The following LRP1B variants were observed in gnomAD, a reference collection of about 807,000 sequenced individuals.
The protein encoded by LRP1B is low-density lipoprotein receptor-related protein 1B.
In LRP1B, 217 loss-of-function variants were observed where a neutral mutation model predicts 556.6. The ratio of observed to expected loss-of-function variants is 0.39; its 90% confidence interval spans 0.35 to 0.44. The LOEUF (loss-of-function observed/expected upper bound fraction) is 0.44, where lower values mean the gene tolerates loss of function less well. Ranked by LOEUF, LRP1B falls within the 20% of genes least tolerant of loss-of-function variation. The pLI is 1.00. For synonymous variants in LRP1B, 2,047 were observed against 1,865.8 expected (o/e 1.10, Z -2.50); for missense variants, 5,053 against 5,620.8 (o/e 0.90, Z 3.23).
chr2:141,668,965 G>C (rs983848014), intron 2 of LRP1B, among the ~76,000 whole-genome samples: 6 of 152,106 alleles, frequency 3.9e-5, no homozygotes, highest in African/African-American at 1.4e-4. Context: ...CAATACCCCT[G>C]TGGCACGTCA....
chr2:140,321,675 TAGA>T (rs1680141441), intron 82 of LRP1B, among the ~76,000 whole-genome samples: 1 of 131,806 alleles, frequency 7.6e-6, no homozygotes, highest in African/African-American at 2.7e-5. Context: ...TTTTATCTAA[TAGA>T]AGAGTTATAA....
In LRP1B at chr2:141,301,216, A is replaced by T. The variant is rs559488315; in HGVS notation, c.344-46575T>A. Among the ~76,000 whole-genome samples the T allele has an allele frequency of 9.9e-5, 15 of 152,282 alleles. No homozygotes were observed. In the South Asian group the frequency reaches 3.1e-3, roughly 32 times the overall value. On this transcript the variant is annotated intron_variant, in intron 3 of 90. Transcript: ENST00000389484. ...ATTTATTTGACTTCCCAGAAATTCTAACATTACTCCATGTGTGTGAGAGAT... is the reference window on the plus strand; with the variant it reads ...ATTTATTTGACTTCCCAGAAATTCTTACATTACTCCATGTGTGTGAGAGAT...
intron 32 of LRP1B, among the ~76,000 whole-genome samples, chr2:140,804,825 G>A (rs1271895062): frequency 2.6e-5 from 4 of 151,884 alleles, no homozygotes; most frequent in African/African-American, 9.7e-5. Flanking sequence ...AACTGAACAT[G>A]ACATTCTCTG....
chr2:140,582,637 C>G (rs1182217950), intron 43 of LRP1B, among the ~76,000 whole-genome samples: 1 of 152,148 alleles, frequency 6.6e-6, no homozygotes, highest in Admixed American at 6.5e-5. Flanking sequence ...TTCCTTCTGT[C>G]ATGCGAGGAT....
intron 67 of LRP1B, among the ~76,000 whole-genome samples, chr2:140,381,097 C>A (rs951600708): frequency 3.3e-5 from 5 of 152,092 alleles, no homozygotes; most frequent in Admixed American, 1.3e-4. Flanking sequence ...AACCATCATT[C>A]ATATACCTCA....
chr2:141,265,282 C>T (rs921702729), intron 3 of LRP1B, among the ~76,000 whole-genome samples: 1 of 152,130 alleles, frequency 6.6e-6, no homozygotes, highest in African/African-American at 2.4e-5. Flanking sequence ...CTCTACAGTT[C>T]AGGCCGCCCA....
At chr2:140,672,498 A>AG (rs1276764438) in intron 41 of LRP1B, among the ~76,000 whole-genome samples, 2 of 151,048 alleles carry the variant, frequency 1.3e-5, no homozygotes, top group Non-Finnish European at 3.0e-5. Context: ...AAAAAAAAAA[A>AG]AAAAAAAAAT....
At chr2:140,965,927 T>C (rs1696206703) in intron 18 of LRP1B, among the ~76,000 whole-genome samples, 1 of 152,030 alleles carries the variant, frequency 6.6e-6, no homozygotes, top group African/African-American at 2.4e-5. Context: ...GGTGTATATG[T>C]GCCACATTCT....
intron 66 of LRP1B, among the ~76,000 whole-genome samples, chr2:140,415,480 A>G (rs1184650668): frequency 1.3e-5 from 2 of 152,124 alleles, no homozygotes; most frequent in African/African-American, 4.8e-5. Flanking sequence ...TCCTACCAAT[A>G]TGGGATGTCA....
At position 140,323,880 on chromosome 2, in the gene LRP1B, A is replaced by C; in HGVS notation, c.12514+13T>G. 1 of 1,326,048 alleles carries C rather than the reference A, an allele frequency of 7.5e-7. No homozygotes were observed. Among genetic ancestry groups the C allele is most frequent in the Non-Finnish European group, 1.1e-6 (1 of 926,356 alleles). 82.1% of individuals were successfully genotyped at this position (1,326,048 alleles called of 1,614,324 possible). ...TTACCAATATAGACAACTTCATAAT[A>C]TATTATACTTACAATCTAGTTGTTT... On this transcript the variant is annotated intron_variant, in intron 81 of 90. Coordinates refer to ENST00000389484, the MANE Select transcript of LRP1B (RefSeq NM_018557.3).
chr2:141,229,432 CTG>C lies in LRP1B; in HGVS notation c.599_600del (p.Thr200ArgfsTer2). 6.4e-7 allele frequency: 1 copy of C among 1,557,452 alleles called. No individual in the cohort carries two copies. The highest frequency in any genetic ancestry group is 8.8e-7 in the Non-Finnish European group (1 of 1,138,274). Reference protein sequence around the residue: ...NRSCKAKIEPTDRPPILLIAN... With the variant: ...NRSCKAKIEPXDRPPILLIAN... ...GCAATTAATAGTATAGGTGGTCTAT[CTG>C]TAGGTTCTGGAATAAAATAGAAAAA... On this transcript the variant is annotated frameshift_variant, in exon 6 of 91. Transcript: ENST00000389484. LOFTEE classifies it high-confidence loss of function.
intron 43 of LRP1B, among the ~76,000 whole-genome samples, chr2:140,585,344 T>C (rs1272580325): frequency 1.3e-5 from 2 of 152,072 alleles, no homozygotes; most frequent in African/African-American, 4.8e-5. Flanking sequence ...AAACAACAGG[T>C]CTTATATCTA....
chr2:141,690,642 CT>C (rs1232798060), intron 2 of LRP1B, among the ~76,000 whole-genome samples: 4 of 150,778 alleles, frequency 2.7e-5, no homozygotes, highest in African/African-American at 9.7e-5. Context: ...CTGCTCTTAT[CT>C]TTGCTAATCC....
intron 32 of LRP1B, among the ~76,000 whole-genome samples, chr2:140,801,659 T>G (rs569783605): frequency 3.9e-5 from 6 of 152,266 alleles, no homozygotes; most frequent in African/African-American, 1.2e-4. Flanking sequence ...TCTTATTGAT[T>G]CTAAGTTTCT....
Position 141,719,072 on chromosome 2 carries a change from C to A in LRP1B, c.205+91207G>T, listed in dbSNP as rs73963544. Among the ~76,000 whole-genome samples, 898 of 152,104 alleles carry A rather than the reference C, an allele frequency of 5.9e-3. 15 individuals carry two copies. Among genetic ancestry groups the A allele is most frequent in the African/African-American group, 0.021 (859 of 41,524 alleles). Reference sequence around the variant, plus strand: ...TGACTTTCCCCCCCACCAAGATTTTCTTGAGTTTTTATGAGCAGTCTTGTC... The same window carrying A: ...TGACTTTCCCCCCCACCAAGATTTTATTGAGTTTTTATGAGCAGTCTTGTC... On this transcript the variant is annotated intron_variant, in intron 2 of 90. Coordinates refer to ENST00000389484, the MANE Select transcript of LRP1B (RefSeq NM_018557.3).
chr2:141,892,358 T>C (rs1699316797), intron 1 of LRP1B, among the ~76,000 whole-genome samples: 1 of 151,942 alleles, frequency 6.6e-6, no homozygotes, highest in Non-Finnish European at 1.5e-5. Flanking sequence ...TGAATAAAAA[T>C]ATACGGATAG....
At chr2:141,073,179 T>G (rs1435274828) in intron 7 of LRP1B, among the ~76,000 whole-genome samples, 4 of 152,122 alleles carry the variant, frequency 2.6e-5, no homozygotes, top group Admixed American at 2.6e-4. Context: ...ACTTTATTCT[T>G]CCCCTTACGC....
At chr2:140,289,679 T>C (rs1353472075) in intron 84 of LRP1B, among the ~76,000 whole-genome samples, 3 of 151,812 alleles carry the variant, frequency 2.0e-5, no homozygotes, top group African/African-American at 7.2e-5. Context: ...TGGGTCAAAA[T>C]GGTCTTCAAC....
chr2:141,716,028 C>T (rs1274863072), intron 2 of LRP1B, among the ~76,000 whole-genome samples: 2 of 152,112 alleles, frequency 1.3e-5, no homozygotes, highest in Admixed American at 1.3e-4. Context: ...CATATCTTGC[C>T]TTTAGCAATG....
Sources: allele counts gnomAD v4.1 joint callset (sites outside exome capture counted in the v4.1 genomes callset), GRCh38; gene constraint gnomAD v4.1.1; transcripts MANE v1.5; gene names NCBI Gene and HGNC (gene_info 2026-07-23, HGNC 2026-07-21).